PIGZ: variants seen among roughly 807,000 people sequenced by gnomAD.
PIGZ encodes the protein phosphatidylinositol glycan anchor biosynthesis class Z (Gwada blood group).
In PIGZ, 16 loss-of-function variants were observed where a neutral mutation model predicts 16.4. The ratio of observed to expected loss-of-function variants is 0.97; its 90% CI spans 0.66 to 1.48. The LOEUF is 1.48. Among genes scored for constraint, PIGZ ranks in the 40% most tolerant of loss-of-function variants. PIGZ has a pLI of 0.00. For synonymous variants in PIGZ, 409 were observed against 338.4 expected (o/e 1.21, Z -2.29); for missense variants, 770 against 739.2 (o/e 1.04, Z -0.48).
rs753532231 is a variant in PIGZ, at chr3:196,947,654, T to C, written c.1243A>G (p.Thr415Ala). Residue 415 changes from threonine to alanine, a missense_variant, in exon 3 of 3, where the codon ACT (threonine) becomes GCT (alanine). Transcript: ENST00000412723. ...PQTQPVPWKGTVVLFNALGAL... is the reference protein window; with the variant it reads ...PQTQPVPWKGAVVLFNALGAL... Reference sequence around the variant, plus strand: ...CCGAGGGCGTTGAAGAGGACCACAGTGCCCTTCCAAGGCACAGGCTGCGTC... The same window carrying C: ...CCGAGGGCGTTGAAGAGGACCACAGCGCCCTTCCAAGGCACAGGCTGCGTC... 1.2e-6 allele frequency: 2 copies of C among 1,611,558 alleles called. No homozygotes were observed. Among genetic ancestry groups the C allele is most frequent in the East Asian group, 2.2e-5 (1 of 44,820 alleles).
chr3:196,947,556 A>G lies in PIGZ; in HGVS notation c.1341T>C (p.His447=), dbSNP rs2108892459. ...TGGGTGTGCTTGGGAGCACAGGGGC[A>G]TGGACCACCTGCTCCAGGTACTCCA... The part of the protein sequence containing the change: ...PGLEYLEQVV[H]APVLPSTPTH... The change falls in exon 3 of 3, where the codon CAT becomes CAC. Residue 447 remains histidine, a synonymous_variant. Transcript: ENST00000412723. 1 of 1,613,850 alleles carries G rather than the reference A, an allele frequency of 6.2e-7. No individual in the cohort carries two copies. Among genetic ancestry groups the G allele is most frequent in the Non-Finnish European group, 8.5e-7 (1 of 1,179,992 alleles).
chr3:196,947,188 A>G lies in PIGZ; in HGVS notation c.1709T>C (p.Leu570Pro). Residue 570 changes from leucine to proline, a missense_variant, in exon 3 of 3, where the codon CTT becomes CCT. Leu to Pro is a moderately conservative substitution (Grantham distance 98, BLOSUM62 -3). Transcript: ENST00000412723. ...LSGAWRDHLS[L>P]HIVELGEET ...TTCTTCCCCCAGCTCCACAATGTGA[A>G]GACTGAGGTGGTCCCTCCAAGCCCC... 1.3e-6 allele frequency: 2 copies of G among 1,570,884 alleles called. No homozygotes were observed. Among genetic ancestry groups the G allele is most frequent in the East Asian group, 2.2e-5 (1 of 44,498 alleles).
Position 196,948,566 on chromosome 3 carries a change from C to A in PIGZ, c.331G>T (p.Glu111Ter). ...GSTFWLLRLW[E>*]ELGPWPGLVS... ...AGGCCAGGCCACGGCCCCAGCTCCT[C>A]CCAGAGCCTGAGCAGCCAGAAGGTG... Residue 111 changes from glutamate (E) to a stop codon, truncating the protein, a stop_gained, in exon 3 of 3, where the codon GAG (glutamate) becomes TAG (stop). Coordinates refer to ENST00000412723, the MANE Select transcript of PIGZ (RefSeq NM_025163.4). LOFTEE classifies it low-confidence loss of function (END_TRUNC). 6.3e-7 allele frequency: 1 copy of A among 1,596,760 alleles called. No homozygotes were observed. The highest frequency in any genetic ancestry group is 8.5e-7 in the Non-Finnish European group (1 of 1,172,358).
At chr3:196,949,033 CCCTTCCTTCCTTCCCTT>C (rs1378646303) in intron 2 of PIGZ, among the ~76,000 whole-genome samples, 1 of 37,900 alleles carries the variant, frequency 2.6e-5, no homozygotes, top group African/African-American at 1.7e-4. Context: ...TCCCTTCCTT[CCCTTCCTTCCTTCCCTT>C]CCCTTCCTTC....
intron 1 of PIGZ, among the ~76,000 whole-genome samples, chr3:196,962,054 AAG>A (rs778003227): frequency 7.9e-5 from 12 of 152,216 alleles, no homozygotes; most frequent in Non-Finnish European, 1.5e-4. Flanking sequence ...GGGGAAAAGA[AAG>A]AGAGATCAGA....
chr3:196,961,078 G>A (rs1031456077), intron 1 of PIGZ, among the ~76,000 whole-genome samples: 10 of 152,230 alleles, frequency 6.6e-5, no homozygotes, highest in African/African-American at 2.4e-4. Context: ...TATAGGAGAT[G>A]GATACAGTTT....
In PIGZ at chr3:196,948,292, C is replaced by A; in HGVS notation, c.605G>T (p.Arg202Leu). 6.2e-7 allele frequency: 1 copy of A among 1,614,082 alleles called. No homozygotes were observed. Among genetic ancestry groups the A allele is most frequent in the Non-Finnish European group, 8.5e-7 (1 of 1,179,994 alleles). ...VSSHVTWGPTRKEPAPGPRWR... is the reference protein window; with the variant it reads ...VSSHVTWGPTLKEPAPGPRWR... ...CCGTGGACCCGGCGCCGGCTCCTTG[C>A]GTGTAGGGCCCCACGTTACATGGGA... is the stretch of plus-strand genomic sequence containing the variant. Residue 202 changes from arginine to leucine, a missense_variant, in exon 3 of 3, where the codon CGC becomes CTC. By Grantham distance (102) the Arg-to-Leu change is moderately radical (BLOSUM62 -2). Coordinates refer to ENST00000412723, the MANE Select transcript of PIGZ (RefSeq NM_025163.4).
intron 1 of PIGZ, among the ~76,000 whole-genome samples, chr3:196,966,156 G>A (rs1039753478): frequency 2.6e-5 from 4 of 152,156 alleles, no homozygotes; most frequent in Admixed American, 1.3e-4. Context: ...TGGCTCACAC[G>A]GTTTCACTTA....
intron 2 of PIGZ, among the ~76,000 whole-genome samples, chr3:196,949,821 T>G (rs944449875): frequency 2.0e-5 from 3 of 151,336 alleles, no homozygotes; most frequent in Non-Finnish European, 2.9e-5. Flanking sequence ...GGTTCCAAGA[T>G]CTCAAAAGCC....
intron 2 of PIGZ, among the ~76,000 whole-genome samples, chr3:196,951,374 C>T (rs144257902): frequency 1.5e-3 from 231 of 152,324 alleles, no homozygotes; most frequent in Non-Finnish European, 2.7e-3. Context: ...ATGTGTCCCA[C>T]ACCGCCTAAC....
chr3:196,952,179 A>G (rs1001618353), intron 1 of PIGZ, 148 bp from the exon 2 acceptor site: 4 of 759,576 alleles, frequency 5.3e-6, no homozygotes, highest in African/African-American at 1.7e-5. Flanking sequence ...ACTGCCAGGC[A>G]CGTGACATGC....
chr3:196,949,041 TCCTTCCCTTCCCTTCCTTC>T (rs1717149047), intron 2 of PIGZ, among the ~76,000 whole-genome samples: 5 of 58,644 alleles, frequency 8.5e-5, no homozygotes, highest in East Asian at 1.4e-3. Flanking sequence ...TTCCCTTCCT[TCCTTCCCTTCCCTTCCTTC>T]CCCTTCCTTC....
At position 196,947,052 on chromosome 3, in the gene PIGZ, G is replaced by T; in HGVS notation, c.*105C>A. 9.9e-7 allele frequency: 1 copy of T among 1,014,460 alleles called. No individual in the cohort carries two copies. The highest frequency in any genetic ancestry group is 1.4e-6 in the Non-Finnish European group (1 of 703,528). 62.8% of individuals were successfully genotyped at this position (1,014,460 alleles called of 1,614,324 possible). ...GAGAGGCAGCAGTGGGAGTCATGAA[G>T]GAGGACGGGGTCCTGTCCCAGCGTC... On this transcript the variant is annotated 3_prime_UTR_variant, in exon 3 of 3. Coordinates refer to ENST00000412723, the MANE Select transcript of PIGZ (RefSeq NM_025163.4).
In PIGZ at chr3:196,958,459, C is replaced by T. The variant is rs573095182; in HGVS notation, c.1-6428G>A. Among the ~76,000 whole-genome samples, 31 of 152,222 alleles carry T rather than the reference C, an allele frequency of 2.0e-4. 1 individual carries two copies. In the South Asian group the frequency reaches 5.2e-3, roughly 25 times the overall value. On this transcript the variant is annotated intron_variant, in intron 1 of 2. Transcript: ENST00000412723. ...CAGCCTGGCCAACATGGTGAAACCC[C>T]GTCTCTCCTAAAAATACAAAAATTA...
At chr3:196,961,590 G>C (rs1717725124) in intron 1 of PIGZ, among the ~76,000 whole-genome samples, 1 of 151,940 alleles carries the variant, frequency 6.6e-6, no homozygotes, top group Non-Finnish European at 1.5e-5. Flanking sequence ...AAAAGAAAAA[G>C]CAGGAAACAA....
chr3:196,967,049 C>T (rs1422462551), intron 1 of PIGZ, among the ~76,000 whole-genome samples: 1 of 151,820 alleles, frequency 6.6e-6, no homozygotes, highest in African/African-American at 2.4e-5. Flanking sequence ...GTAGGGCAAG[C>T]AGCAGGGAGA....
chr3:196,960,565 A>T (rs1205369946), intron 1 of PIGZ, among the ~76,000 whole-genome samples: 1 of 151,948 alleles, frequency 6.6e-6, no homozygotes, highest in Non-Finnish European at 1.5e-5. Context: ...CCAGCTACTC[A>T]GGAGGCTGAG....
chr3:196,960,737 G>GAGAA (rs377421215), intron 1 of PIGZ, among the ~76,000 whole-genome samples: 24,344 of 140,420 alleles, frequency 0.17, 2,269 homozygotes, highest in African/African-American at 0.23. Flanking sequence ...AAGAAAGAAA[G>GAGAA]AGAAAGAAAG....
chr3:196,959,476 TCTC>T (rs532889655), intron 1 of PIGZ, among the ~76,000 whole-genome samples: 35 of 152,242 alleles, frequency 2.3e-4, no homozygotes, highest in African/African-American at 8.2e-4. Flanking sequence ...AGCTGCAAGT[TCTC>T]CTTCCATCAT....
Sources: allele counts gnomAD v4.1 joint callset (sites outside exome capture counted in the v4.1 genomes callset), GRCh38; gene constraint gnomAD v4.1.1; transcripts MANE v1.5; gene names NCBI Gene and HGNC (gene_info 2026-07-23, HGNC 2026-07-21).